UNC79: variants seen among roughly 807,000 people sequenced by gnomAD.
UNC79 encodes unc-79 subunit of NALCN channel complex, also known as protein unc-79 homolog.
A neutral mutation model predicts 283.1 loss-of-function variants in UNC79; 37 were observed. The ratio of observed to expected loss-of-function variants is 0.13; its 90% CI spans 0.10 to 0.17. UNC79 has a LOEUF of 0.17. Ranked by LOEUF, UNC79 falls within the 10% of genes least tolerant of loss-of-function variation. The pLI, the probability that UNC79 is intolerant of heterozygous loss-of-function variation, is 1.00. For missense variants in UNC79, 2,272 were observed against 3,211.1 expected, an observed-to-expected ratio of 0.71 and a Z score of 7.07; for synonymous variants, 1,107 against 1,200.2, an observed-to-expected ratio of 0.92 and a Z score of 1.61.
At chr14:93,610,877 C>G (rs979286313) in intron 26 of UNC79, among the ~76,000 whole-genome samples, 1 of 152,138 alleles carries the variant, frequency 6.6e-6, no homozygotes, top group Non-Finnish European at 1.5e-5. Context: ...TCCCAAAGTG[C>G]TGGGATTACA....
At chr14:93,600,093 G>A (rs567247867) in intron 24 of UNC79, among the ~76,000 whole-genome samples, 2,921 of 152,230 alleles carry the variant, frequency 0.019, 27 homozygotes, top group Non-Finnish European at 0.029. Context: ...CCAGCTACTT[G>A]GGAGGCTGAG....
intron 4 of UNC79, among the ~76,000 whole-genome samples, chr14:93,483,258 G>A (rs910209812): frequency 1.2e-4 from 18 of 152,162 alleles, no homozygotes; most frequent in Non-Finnish European, 2.5e-4. Flanking sequence ...GCCCTTTCTT[G>A]TAGAATAGCG....
exon 17 of UNC79, chr14:93,575,143 C>G: frequency 6.2e-7 from 1 of 1,613,868 alleles, no homozygotes; most frequent in South Asian, 1.1e-5. Context: ...AAAGAGCTGG[C>G]AAATCAAAGA....
At position 93,641,257 on chromosome 14, in the gene UNC79, C is replaced by T. The variant is rs758807366; in HGVS notation, c.5903+10C>T. On this transcript the variant is annotated intron_variant, in intron 33 of 48. Coordinates refer to ENST00000555664, the Ensembl canonical transcript of UNC79. ...CGGTGATGACGGACAAGTAAGCTCGCACAGTTATTTTCTTCACCATGTTTA... is the reference window on the plus strand; with the variant it reads ...CGGTGATGACGGACAAGTAAGCTCGTACAGTTATTTTCTTCACCATGTTTA... 1 of 1,608,608 alleles carries T rather than the reference C, an allele frequency of 6.2e-7. No individual in the cohort carries two copies. The highest frequency in any genetic ancestry group is 8.5e-7 in the Non-Finnish European group (1 of 1,176,472).
At chr14:93,636,717 C>T (rs1459293372) in intron 31 of UNC79, among the ~76,000 whole-genome samples, 1 of 152,148 alleles carries the variant, frequency 6.6e-6, no homozygotes, top group African/African-American at 2.4e-5. Context: ...ATTTTTGAAG[C>T]ACCATGCCTC....
At chr14:93,561,755 G>A (rs1335982194) in intron 14 of UNC79, among the ~76,000 whole-genome samples, 4 of 152,136 alleles carry the variant, frequency 2.6e-5, no homozygotes, top group East Asian at 1.9e-4. Flanking sequence ...ACTCTAAGAG[G>A]GAGTTAAGAG....
chr14:93,529,136 A>C (rs1459847482), intron 9 of UNC79, 150 bp from the exon 10 acceptor site: 4 of 682,604 alleles, frequency 5.9e-6, no homozygotes, highest in Non-Finnish European at 7.3e-6. Flanking sequence ...GGAATGCATT[A>C]GACATTTTAA....
Position 93,572,851 on chromosome 14 carries a change from T to G in UNC79, c.2070+35T>G, listed in dbSNP as rs1490780347. The G allele has an allele frequency of 4.3e-6, 7 of 1,610,074 alleles. No homozygotes were observed. In the East Asian group the frequency reaches 1.1e-4, roughly 26 times the overall value. ...TAATACTTTCGATCATTTTAGGAAA[T>G]AGTTCTTAGCTTATAAGCTTTAGAT... On this transcript the variant is annotated intron_variant, in intron 16 of 48. Transcript: ENST00000555664.
intron 1 of UNC79, among the ~76,000 whole-genome samples, chr14:93,360,522 T>C (rs1040645240): frequency 3.9e-5 from 6 of 152,250 alleles, no homozygotes; most frequent in African/African-American, 1.4e-4. Flanking sequence ...TCCTGGTACC[T>C]GGTATGCAGC....
At chr14:93,437,854 G>T (rs564902836) in intron 1 of UNC79, among the ~76,000 whole-genome samples, 1 of 152,154 alleles carries the variant, frequency 6.6e-6, no homozygotes, top group Admixed American at 6.5e-5. Context: ...ATTTGATTTA[G>T]AGCCCACCTT....
chr14:93,614,473 C>G (rs957527645), intron 27 of UNC79, among the ~76,000 whole-genome samples: 2 of 151,946 alleles, frequency 1.3e-5, no homozygotes, highest in African/African-American at 4.8e-5. Flanking sequence ...CCCGCCACCA[C>G]GCTTAGCTAA....
At position 93,542,004 on chromosome 14, in the gene UNC79, C is replaced by CAA. The variant is rs745650977; in HGVS notation, c.1525-439_1525-438dup. Among the ~76,000 whole-genome samples the CAA allele has an allele frequency of 6.4e-3, 380 of 59,338 alleles. 1 individual carries two copies. The highest frequency in any genetic ancestry group is 0.011 in the East Asian group (18 of 1,616). The allele number at this position is 59,338 out of a possible 152,430, so 38.9% of individuals were successfully genotyped here. Reference sequence around the variant, plus strand: ...TGGGCAACAGAGGGAGACTCCATCTCAAAAAAAAAAAAAAAAAAAAAAAAG... The same window carrying CAA: ...TGGGCAACAGAGGGAGACTCCATCTCAAAAAAAAAAAAAAAAAAAAAAAAAAG... On this transcript the variant is annotated intron_variant, in intron 13 of 48. Transcript: ENST00000555664.
intron 7 of UNC79, among the ~76,000 whole-genome samples, chr14:93,506,077 C>T (rs2059523030): frequency 6.6e-6 from 1 of 151,912 alleles, no homozygotes; most frequent in Non-Finnish European, 1.5e-5. Context: ...TCTCTAAGCT[C>T]CTATCTGGGA....
intron 26 of UNC79, 83 bp downstream of exon 27, chr14:93,605,044 A>T: frequency 6.9e-7 from 1 of 1,439,980 alleles, no homozygotes; most frequent in Non-Finnish European, 9.3e-7. Flanking sequence ...CTCTAACTGG[A>T]CCAGGGTGAT....
chr14:93,462,925 G>T (rs2057012645), intron 1 of UNC79, among the ~76,000 whole-genome samples: 1 of 152,122 alleles, frequency 6.6e-6, no homozygotes, highest in South Asian at 2.1e-4. Flanking sequence ...ATTCACAACA[G>T]CTACCCACCT....
chr14:93,387,628 A>C, intron 1 of UNC79, among the ~76,000 whole-genome samples: 1 of 152,144 alleles, frequency 6.6e-6, no homozygotes, highest in Non-Finnish European at 1.5e-5. Context: ...CAGTTTTTTG[A>C]ATGTTTTAAG....
intron 12 of UNC79, 148 bp from the exon 13 acceptor site, chr14:93,540,512 G>T (rs1490651866): frequency 2.5e-6 from 2 of 790,650 alleles, no homozygotes; most frequent in African/African-American, 3.5e-5. Flanking sequence ...AGGATGCACA[G>T]TACTCAGTAA....
At chr14:93,571,225 T>C (rs1052653358) in intron 14 of UNC79, among the ~76,000 whole-genome samples, 2 of 152,238 alleles carry the variant, frequency 1.3e-5, no homozygotes, top group African/African-American at 4.8e-5. Flanking sequence ...GTTACGTTGA[T>C]ACTTAGAATA....
At chr14:93,529,758 A>T (rs2060720186) in intron 10 of UNC79, among the ~76,000 whole-genome samples, 1 of 152,162 alleles carries the variant, frequency 6.6e-6, no homozygotes, top group Non-Finnish European at 1.5e-5. Flanking sequence ...TGGGGGGGAA[A>T]TCATTGAATG....
Sources: gnomAD v4.1 joint callset for allele counts (sites outside exome capture counted in the v4.1 genomes callset) on GRCh38, gnomAD v4.1.1 for gene constraint, MANE v1.5 for transcripts, NCBI Gene and HGNC (gene_info 2026-07-23, HGNC 2026-07-21) for gene names.